SPOCK1: variants seen among roughly 807,000 people sequenced by gnomAD.
SPOCK1 encodes testican-1.
A neutral mutation model predicts 55.3 loss-of-function variants in SPOCK1; 23 were observed. The observed-to-expected ratio is 0.42, with a 90% CI of 0.30 to 0.59. The LOEUF (loss-of-function observed/expected upper bound fraction) is 0.59. Among genes scored for constraint, SPOCK1 ranks in the 20% least tolerant of loss-of-function variants. The pLI is 0.22. For synonymous variants in SPOCK1, 226 were observed against 221.0 expected, an observed-to-expected ratio of 1.02 and a Z score of -0.20; for missense variants, 499 against 552.5, an observed-to-expected ratio of 0.90 and a Z score of 0.97.
intron 5 of SPOCK1, among the ~76,000 whole-genome samples, chr5:137,085,489 GC>G (rs1752946627): frequency 6.6e-6 from 1 of 152,198 alleles, no homozygotes. Flanking sequence ...TGATAGAGAG[GC>G]CTGTGGGGAG....
chr5:137,380,921 C>T (rs1019133707), intron 2 of SPOCK1, among the ~76,000 whole-genome samples: 2 of 152,152 alleles, frequency 1.3e-5, no homozygotes, highest in East Asian at 1.9e-4. Context: ...TCTAAACAGT[C>T]CCCCAGTCTT....
chr5:137,157,931 G>A (rs142066929), intron 3 of SPOCK1, among the ~76,000 whole-genome samples: 336 of 152,240 alleles, frequency 2.2e-3, no homozygotes, highest in African/African-American at 5.4e-3. Flanking sequence ...GTGTGGTGGC[G>A]CTTGCCTGCA....
intron 2 of SPOCK1, among the ~76,000 whole-genome samples, chr5:137,360,120 A>G (rs890677579): frequency 6.6e-6 from 1 of 152,246 alleles, no homozygotes; most frequent in African/African-American, 2.4e-5. Flanking sequence ...GCTGTCAAAC[A>G]TAAACATGCA....
chr5:137,426,656 G>A (rs1752617828), intron 2 of SPOCK1, among the ~76,000 whole-genome samples: 1 of 152,068 alleles, frequency 6.6e-6, no homozygotes, highest in African/African-American at 2.4e-5. Flanking sequence ...ATACCTATAG[G>A]CCTTGCTCTA....
rs1370113605 is a variant in SPOCK1 at position 137,401,172 on chromosome 5, G to A, written c.186+97201C>T. Among the ~76,000 whole-genome samples the A allele has an allele frequency of 4.4e-4, 67 of 152,094 alleles. 2 individuals carry two copies. Among genetic ancestry groups the A allele is most frequent in the Admixed American group, 4.3e-3 (65 of 15,278 alleles). On this transcript the variant is annotated intron_variant, in intron 2 of 10. Coordinates refer to ENST00000394945, the MANE Select transcript of SPOCK1 (RefSeq NM_004598.4). The stretch of plus-strand genomic sequence containing the variant: ...AATGGACTAAGTCATCAAGAGAGGT[G>A]TACACCAGGTCCCACTCATGGAAAC...
At chr5:137,105,417 A>G (rs1753344984) in intron 5 of SPOCK1, among the ~76,000 whole-genome samples, 1 of 152,202 alleles carries the variant, frequency 6.6e-6, no homozygotes, top group African/African-American at 2.4e-5. Flanking sequence ...GTAGCCACAC[A>G]TAAAAACCTC....
At chr5:137,160,293 TC>T (rs1321563801) in intron 3 of SPOCK1, among the ~76,000 whole-genome samples, 1 of 143,634 alleles carries the variant, frequency 7.0e-6, no homozygotes, top group Non-Finnish European at 1.5e-5. Context: ...GTTAATTCAT[TC>T]CTTTTTATGG....
At chr5:137,110,336 C>A in intron 5 of SPOCK1, among the ~76,000 whole-genome samples, 1 of 152,332 alleles carries the variant, frequency 6.6e-6, no homozygotes, top group African/African-American at 2.4e-5. Context: ...GGACCAGCAG[C>A]TTGGTCATCA....
At chr5:137,127,079 C>G (rs965656138) in intron 4 of SPOCK1, among the ~76,000 whole-genome samples, 1 of 152,106 alleles carries the variant, frequency 6.6e-6, no homozygotes, top group African/African-American at 2.4e-5. Context: ...GGTAAAGTGA[C>G]AATGTATAAA....
chr5:137,255,168 G>C (rs1561485467), intron 3 of SPOCK1, among the ~76,000 whole-genome samples: 1 of 152,106 alleles, frequency 6.6e-6, no homozygotes, highest in Non-Finnish European at 1.5e-5. Context: ...AGCTTACTGG[G>C]GTATTCACTG....
chr5:137,418,655 T>G (rs998725818), intron 2 of SPOCK1, among the ~76,000 whole-genome samples: 2 of 152,186 alleles, frequency 1.3e-5, no homozygotes, highest in Non-Finnish European at 2.9e-5. Flanking sequence ...TGGGGTTGTT[T>G]TTTTCTTATA....
intron 2 of SPOCK1, among the ~76,000 whole-genome samples, chr5:137,489,361 T>G (rs551145959): frequency 3.3e-5 from 5 of 152,194 alleles, no homozygotes; most frequent in African/African-American, 4.8e-5. Flanking sequence ...TTTTAAAATA[T>G]AAACTCCACA....
intron 2 of SPOCK1, among the ~76,000 whole-genome samples, chr5:137,406,487 C>T (rs575952900): frequency 1.2e-4 from 19 of 152,264 alleles, no homozygotes; most frequent in Admixed American, 3.9e-4. Flanking sequence ...TGCAGTCTAT[C>T]CCGAGCACTG....
chr5:137,231,245 A>G (rs970221754), intron 3 of SPOCK1, among the ~76,000 whole-genome samples: 1 of 152,164 alleles, frequency 6.6e-6, no homozygotes, highest in Non-Finnish European at 1.5e-5. Context: ...GGGTTTCACC[A>G]TGTTGGCCAG....
intron 2 of SPOCK1, among the ~76,000 whole-genome samples, chr5:137,378,479 G>T (rs1751378886): frequency 6.6e-6 from 1 of 152,242 alleles, no homozygotes; most frequent in African/African-American, 2.4e-5. Flanking sequence ...GAGCTAAATG[G>T]CGGTAACTTG....
intron 6 of SPOCK1, among the ~76,000 whole-genome samples, chr5:137,042,499 A>G (rs1187388242): frequency 1.4e-4 from 21 of 152,276 alleles, no homozygotes. Context: ...CCTAGGATGT[A>G]ATGCAGAATG....
At chr5:137,016,857 C>T (rs1273071510) in intron 6 of SPOCK1, among the ~76,000 whole-genome samples, 1 of 152,232 alleles carries the variant, frequency 6.6e-6, no homozygotes, top group African/African-American at 2.4e-5. Flanking sequence ...TGAGATGGCC[C>T]TGCAGGTGGT....
chr5:137,264,871 G>A (rs910177089), intron 3 of SPOCK1, among the ~76,000 whole-genome samples: 1 of 152,200 alleles, frequency 6.6e-6, no homozygotes, highest in African/African-American at 2.4e-5. Context: ...TCTCAGCTCT[G>A]CCTGTGCTCC....
intron 6 of SPOCK1, among the ~76,000 whole-genome samples, chr5:136,998,024 C>T (rs1467703548): frequency 2.0e-5 from 3 of 152,170 alleles, no homozygotes; most frequent in African/African-American, 7.2e-5. Flanking sequence ...TGTAATAAAG[C>T]TTAGCTCATA....
Sources: gnomAD v4.1 joint callset for allele counts (sites outside exome capture counted in the v4.1 genomes callset) on GRCh38, gnomAD v4.1.1 for gene constraint, MANE v1.5 for transcripts, NCBI Gene and HGNC (gene_info 2026-07-23, HGNC 2026-07-21) for gene names.